ARHGEF7: variants seen among roughly 807,000 people sequenced by gnomAD.
The protein encoded by ARHGEF7 is PAK-interacting exchange factor beta.
ARHGEF7 carries 33 observed loss-of-function variants against 109.8 expected under a neutral mutation model. The ratio of observed to expected loss-of-function variants is 0.30; its 90% confidence interval spans 0.23 to 0.40. The LOEUF (loss-of-function observed/expected upper bound fraction) is 0.40. ARHGEF7 is among the 10% of genes least tolerant of loss of function. The pLI is 1.00. For missense variants in ARHGEF7, 938 were observed against 1,098.5 expected, an observed-to-expected ratio of 0.85 and a Z score of 2.07; for synonymous variants, 458 against 424.6, an observed-to-expected ratio of 1.08 and a Z score of -0.97.
At chr13:111,265,480 C>T (rs544661876) in intron 8 of ARHGEF7, 3 of 430,912 alleles carry the variant, frequency 7.0e-6, no homozygotes, top group African/African-American at 6.1e-5. Flanking sequence ...ATGACTTTCT[C>T]CAGCCAGTAC....
chr13:111,156,952 C>G (rs1397825864), intron 2 of ARHGEF7, among the ~76,000 whole-genome samples: 1 of 152,078 alleles, frequency 6.6e-6, no homozygotes, highest in Non-Finnish European at 1.5e-5. Context: ...TGTATATATT[C>G]TTATTTACTG....
intron 1 of ARHGEF7, 145 bp downstream of exon 1, chr13:111,115,836 G>A: frequency 3.3e-6 from 1 of 302,328 alleles, no homozygotes; most frequent in Non-Finnish European, 5.0e-6. Flanking sequence ...GCCGGCGCCA[G>A]GACCGTGGCG....
intron 19 of ARHGEF7, chr13:111,293,947 C>T: frequency 3.0e-6 from 3 of 985,408 alleles, no homozygotes; most frequent in Non-Finnish European, 3.6e-6. Flanking sequence ...TGGGTGGCTT[C>T]ATTCAGCATG....
intron 2 of ARHGEF7, among the ~76,000 whole-genome samples, chr13:111,180,808 C>T (rs2078662085): frequency 6.6e-6 from 1 of 152,194 alleles, no homozygotes; most frequent in Non-Finnish European, 1.5e-5. Context: ...GAACTATATA[C>T]TGTAGTGTCC....
intron 2 of ARHGEF7, among the ~76,000 whole-genome samples, chr13:111,163,308 T>A (rs1036274528): frequency 2.6e-5 from 4 of 152,328 alleles, no homozygotes; most frequent in African/African-American, 9.6e-5. Flanking sequence ...GATGGCCCTC[T>A]GTCTTGTACC....
In ARHGEF7 at chr13:111,133,812, T is replaced by TATATATATAA. The variant is rs1555341569; in HGVS notation, c.165+18123_165+18124insATATATAAAT. ...ATATATATATATATATATATATATA[T>TATATATATAA]ATTTATTATACTTTAAGTTCTAGGT... On this transcript the variant is annotated intron_variant, in intron 1 of 21. Coordinates refer to ENST00000646102, the MANE Select transcript of ARHGEF7 (RefSeq NM_001354046.2). Among the ~76,000 whole-genome samples the TATATATATAA allele has an allele frequency of 2.3e-3, 144 of 62,532 alleles. 25 individuals are homozygous for TATATATATAA. Among genetic ancestry groups the TATATATATAA allele is most frequent in the East Asian group, 4.9e-3 (7 of 1,430 alleles). 41.0% of individuals were successfully genotyped at this position (62,532 alleles called of 152,430 possible). A position where few individuals can be genotyped will look rare whatever the true frequency, so the allele number is the denominator to read the frequency against.
intron 12 of ARHGEF7, among the ~76,000 whole-genome samples, chr13:111,277,162 T>G (rs569366210): frequency 1.3e-5 from 2 of 152,284 alleles, no homozygotes; most frequent in South Asian, 2.1e-4. Flanking sequence ...CCATTAAAAT[T>G]TATAGGTTCT....
intron 2 of ARHGEF7, among the ~76,000 whole-genome samples, chr13:111,179,760 T>G (rs1220007826): frequency 2.0e-5 from 3 of 152,226 alleles, no homozygotes; most frequent in Non-Finnish European, 4.4e-5. Context: ...TTTTGAAGAA[T>G]CCAGGCTTGT....
At chr13:111,291,120 A>G (rs1272838534) in intron 18 of ARHGEF7, among the ~76,000 whole-genome samples, 1 of 152,234 alleles carries the variant, frequency 6.6e-6, no homozygotes, top group Non-Finnish European at 1.5e-5. Context: ...ACAGAGGTCA[A>G]TTTGATAGAA....
In ARHGEF7 at chr13:111,241,026, G is replaced by A. The variant is rs1008367771; in HGVS notation, c.760-2846G>A. ...CGAATAAAGTGTCTGTGTCTGCGAGGCACAGCAGTGAGTCCTCTTTGTTTT... is the reference window on the plus strand; with the variant it reads ...CGAATAAAGTGTCTGTGTCTGCGAGACACAGCAGTGAGTCCTCTTTGTTTT... On this transcript the variant is annotated intron_variant, in intron 6 of 21. Coordinates refer to ENST00000646102, the MANE Select transcript of ARHGEF7 (RefSeq NM_001354046.2). The A allele has an allele frequency of 2.7e-5, 25 of 919,234 alleles. No homozygotes were observed. In the African/African-American group the frequency reaches 4.2e-4, roughly 15 times the overall value. The allele number at this position is 919,234 out of a possible 1,614,324, so 56.9% of individuals were successfully genotyped here.
chr13:111,275,896 T>C (rs769292492), intron 12 of ARHGEF7: 5 of 564,830 alleles, frequency 8.9e-6, no homozygotes, highest in Non-Finnish European at 1.5e-5. Context: ...TTGATCCAGC[T>C]GAAGTCAGTG....
intron 18 of ARHGEF7, among the ~76,000 whole-genome samples, chr13:111,289,127 G>T (rs957519074): frequency 6.6e-6 from 1 of 152,124 alleles, no homozygotes; most frequent in African/African-American, 2.4e-5. Context: ...TGCCTCCTGG[G>T]TTCAAGTGAT....
At chr13:111,201,945 A>G (rs967816395) in intron 2 of ARHGEF7, among the ~76,000 whole-genome samples, 3 of 152,180 alleles carry the variant, frequency 2.0e-5, no homozygotes, top group Non-Finnish European at 4.4e-5. Context: ...CTGATTTGGT[A>G]TTGTATTTGA....
chr13:111,283,725 G>A (rs1032700295), intron 16 of ARHGEF7, among the ~76,000 whole-genome samples: 4 of 152,190 alleles, frequency 2.6e-5, no homozygotes, highest in Non-Finnish European at 5.9e-5. Flanking sequence ...TGTCTGCTGC[G>A]TCTAACGACC....
intron 1 of ARHGEF7, among the ~76,000 whole-genome samples, chr13:111,142,356 T>G (rs1189637300): frequency 8.5e-4 from 1 of 1,170 alleles, no homozygotes; most frequent in Non-Finnish European, 2.1e-3. Flanking sequence ...ACAGGCAAAT[T>G]ATAAATAATG....
chr13:111,228,787 C>G lies in ARHGEF7; in HGVS notation c.671-4418C>G, dbSNP rs1178270659. On this transcript the variant is annotated intron_variant, in intron 5 of 21. Coordinates refer to ENST00000646102, the MANE Select transcript of ARHGEF7 (RefSeq NM_001354046.2). The surrounding 1 kb of genome is among the most constrained non-coding windows in gnomAD (Gnocchi z 4.6). The stretch of plus-strand genomic sequence containing the variant: ...TGAGTAACAGCCAACAAACCACGCA[C>G]AGAGCCCCAGCACAGAAGGTCGGAA... 2.0e-5 allele frequency among the ~76,000 whole-genome samples: 3 copies of G among 151,980 alleles called. No individual in the cohort carries two copies. The highest frequency in any genetic ancestry group is 2.9e-5 in the Non-Finnish European group (2 of 68,002).
Position 111,203,869 on chromosome 13 carries a change from C to T in ARHGEF7, c.253-1420C>T, listed in dbSNP as rs550931707. Among the ~76,000 whole-genome samples, 4 of 152,350 alleles carry T rather than the reference C, an allele frequency of 2.6e-5. No individual in the cohort carries two copies. In the East Asian group the frequency reaches 7.7e-4, roughly 29 times the overall value. On this transcript the variant is annotated intron_variant, in intron 2 of 21. Coordinates refer to ENST00000646102, the MANE Select transcript of ARHGEF7 (RefSeq NM_001354046.2). ...GCTTCTCTTGGCGTGAGCTTCATTA[C>T]AGCAGCATGCGGTGCCTGCAGGGTG...
upstream of ARHGEF7, chr13:111,115,131 C>T (rs1394068817): frequency 2.0e-5 from 3 of 149,250 alleles, no homozygotes; most frequent in Non-Finnish European, 3.0e-5. Context: ...TCCCCTTTCC[C>T]TTCCCCGCCC....
At chr13:111,280,717 G>A (rs1392568121) in intron 15 of ARHGEF7, 40 bp downstream of exon 15, 4 of 1,451,538 alleles carry the variant, frequency 2.8e-6, no homozygotes, top group Admixed American at 2.6e-5. Flanking sequence ...GACTCCAGGC[G>A]TGGCATCCCG....
Sources: gnomAD v4.1 joint callset for allele counts (sites outside exome capture counted in the v4.1 genomes callset) on GRCh38, gnomAD v4.1.1 for gene constraint, Gnocchi (gnomAD v3.1) non-coding constraint, MANE v1.5 for transcripts, NCBI Gene and HGNC (gene_info 2026-07-23, HGNC 2026-07-21) for gene names.